CDH20: variants seen among roughly 807,000 people sequenced by gnomAD.
CDH20 encodes the protein cadherin-20.
Under a neutral mutation model 74.2 loss-of-function variants are expected in CDH20, and 29 were observed. The ratio of observed to expected loss-of-function variants is 0.39; its 90% CI spans 0.29 to 0.53. The LOEUF is 0.53. CDH20 is among the 20% of genes least tolerant of loss of function. CDH20 has a pLI of 0.69. For synonymous variants in CDH20, 469 were observed against 405.4 expected (o/e 1.16, Z -1.88); for missense variants, 988 against 1,048.3 (o/e 0.94, Z 0.79).
At chr18:61,423,341 C>T (rs1254004670) in intron 1 of CDH20, among the ~76,000 whole-genome samples, 1 of 152,192 alleles carries the variant, frequency 6.6e-6, no homozygotes, top group Non-Finnish European at 1.5e-5. Context: ...CCTGGACCCT[C>T]TTCCTGCTTG....
rs145965890 is a variant in CDH20, at chr18:61,539,155, C to A, written c.1530+10C>A. On this transcript the variant is annotated intron_variant, in intron 9 of 11. Coordinates refer to ENST00000262717, the MANE Select transcript of CDH20 (RefSeq NM_031891.4). ...CGCCAAGGCAGGACAGGTAAGGTGG[C>A]CTGTGGGTGGTGCACTCTGCTTAAC... The A allele has an allele frequency of 1.9e-6, 3 of 1,613,770 alleles. No homozygotes were observed. The highest frequency in any genetic ancestry group is 2.2e-5 in the East Asian group (1 of 44,886).
At chr18:61,383,387 C>A (rs923944257) in intron 1 of CDH20, among the ~76,000 whole-genome samples, 1 of 151,874 alleles carries the variant, frequency 6.6e-6, no homozygotes, top group Admixed American at 6.6e-5. Context: ...ACAAGACCAG[C>A]CTGGCCAACA....
chr18:61,439,598 A>G (rs2144315032), intron 1 of CDH20, among the ~76,000 whole-genome samples: 1 of 152,252 alleles, frequency 6.6e-6, no homozygotes, highest in East Asian at 1.9e-4. Flanking sequence ...TACCTGTTTC[A>G]ATTCCATTTT....
intron 1 of CDH20, among the ~76,000 whole-genome samples, chr18:61,365,817 T>C: frequency 6.6e-6 from 1 of 152,188 alleles, no homozygotes; most frequent in East Asian, 1.9e-4. Context: ...TTCTTTGCAG[T>C]GTGATACAAC....
intron 7 of CDH20, among the ~76,000 whole-genome samples, chr18:61,535,384 G>T (rs1406954859): frequency 1.3e-5 from 2 of 151,998 alleles, no homozygotes; most frequent in Non-Finnish European, 2.9e-5. Context: ...ACTACATAAG[G>T]TTCTCATTGA....
At chr18:61,457,260 C>T (rs1258228629) in intron 1 of CDH20, among the ~76,000 whole-genome samples, 1 of 152,084 alleles carries the variant, frequency 6.6e-6, no homozygotes, top group Non-Finnish European at 1.5e-5. Context: ...GAATCTAGAA[C>T]ACCTGGTCTG....
At chr18:61,553,263 G>GA (rs3834618) in intron 11 of CDH20, among the ~76,000 whole-genome samples, 59,232 of 145,178 alleles carry the variant, frequency 0.41, 11,651 homozygotes, top group African/African-American at 0.47. Flanking sequence ...AAGCACACCA[G>GA]AAAAAAAAAA....
At chr18:61,362,082 G>T (rs1910711394) in intron 1 of CDH20, among the ~76,000 whole-genome samples, 1 of 152,072 alleles carries the variant, frequency 6.6e-6, no homozygotes, top group Admixed American at 6.6e-5. Context: ...GCAGATGGAG[G>T]ATCAGAGCCC....
intron 1 of CDH20, among the ~76,000 whole-genome samples, chr18:61,407,389 G>A (rs1912366136): frequency 6.6e-6 from 1 of 152,176 alleles, no homozygotes; most frequent in Non-Finnish European, 1.5e-5. Flanking sequence ...ACAATTACAA[G>A]TTTTCCAAGT....
intron 1 of CDH20, among the ~76,000 whole-genome samples, chr18:61,470,477 C>T (rs1325237285): frequency 6.6e-6 from 1 of 152,176 alleles, no homozygotes; most frequent in African/African-American, 2.4e-5. Context: ...GAATGACACG[C>T]AGCCATCCAG....
At chr18:61,363,861 C>A (rs991035420) in intron 1 of CDH20, among the ~76,000 whole-genome samples, 2 of 151,992 alleles carry the variant, frequency 1.3e-5, no homozygotes, top group Non-Finnish European at 2.9e-5. Context: ...AACTTTATGA[C>A]CTAAATGAAA....
intron 1 of CDH20, among the ~76,000 whole-genome samples, chr18:61,430,788 A>G (rs1327345028): frequency 3.9e-5 from 6 of 152,136 alleles, no homozygotes; most frequent in African/African-American, 1.4e-4. Flanking sequence ...ACATGCCATC[A>G]TTTGTTTTTC....
chr18:61,483,471 A>G (rs984378047), intron 1 of CDH20, among the ~76,000 whole-genome samples: 7 of 152,200 alleles, frequency 4.6e-5, no homozygotes, highest in Non-Finnish European at 7.3e-5. Flanking sequence ...ATTAAATGAC[A>G]AAGTAAATGT....
intron 1 of CDH20, among the ~76,000 whole-genome samples, chr18:61,403,724 A>G (rs566988637): frequency 6.0e-4 from 92 of 152,318 alleles, no homozygotes; most frequent in Non-Finnish European, 1.1e-3. Context: ...TCATGGGTAA[A>G]GAAATACCAT....
intron 2 of CDH20, among the ~76,000 whole-genome samples, chr18:61,493,651 C>T (rs1911036714): frequency 6.6e-6 from 1 of 152,202 alleles, no homozygotes; most frequent in Non-Finnish European, 1.5e-5. Context: ...GCTCATCAGG[C>T]CACATTCAAA....
rs547275913 is a variant in CDH20, at chr18:61,554,829, T to C, written c.*134T>C. The C allele has an allele frequency of 4.8e-5, 68 of 1,426,556 alleles. No individual in the cohort carries two copies. The African/African-American group carries it at 8.6e-4, about 18-fold the overall frequency. 88.4% of individuals were successfully genotyped at this position (1,426,556 alleles called of 1,614,324 possible). A position where few individuals can be genotyped will look rare whatever the true frequency, so the allele number is the denominator to read the frequency against. The stretch of plus-strand genomic sequence containing the variant: ...GGGGGTGAGCAGGCGAACAGAGCTC[T>C]CTCTGGATCAGCTTTACTTGGGTAG... On this transcript the variant is annotated 3_prime_UTR_variant, in exon 12 of 12. Coordinates refer to ENST00000262717, the MANE Select transcript of CDH20 (RefSeq NM_031891.4).
intron 4 of CDH20, among the ~76,000 whole-genome samples, chr18:61,500,805 T>G (rs903773854): frequency 6.6e-6 from 1 of 152,214 alleles, no homozygotes; most frequent in African/African-American, 2.4e-5. Context: ...TCCCAGGGAC[T>G]AAGGTCTTTT....
intron 1 of CDH20, among the ~76,000 whole-genome samples, chr18:61,451,824 G>C (rs1421198735): frequency 6.6e-6 from 1 of 152,052 alleles, no homozygotes; most frequent in Non-Finnish European, 1.5e-5. Flanking sequence ...AGAGCTGACA[G>C]TTAAATGTCT....
intron 1 of CDH20, among the ~76,000 whole-genome samples, chr18:61,344,077 G>A (rs1231415034): frequency 6.6e-6 from 1 of 152,120 alleles, no homozygotes; most frequent in Non-Finnish European, 1.5e-5. Flanking sequence ...GAGGCTATTG[G>A]TTGACCTTGT....
Sources: allele counts gnomAD v4.1 joint callset (sites outside exome capture counted in the v4.1 genomes callset), GRCh38; gene constraint gnomAD v4.1.1; transcripts MANE v1.5; gene names NCBI Gene and HGNC (gene_info 2026-07-23, HGNC 2026-07-21).